Variants in ADGB observed in about 807,000 individuals in gnomAD.
ADGB encodes the protein androglobin.
A neutral mutation model predicts 210.5 loss-of-function variants in ADGB; 172 were observed. The observed-to-expected ratio is 0.82, with a 90% CI of 0.72 to 0.93. ADGB has a LOEUF of 0.93. ADGB is among the 40% of genes least tolerant of loss of function. The pLI is 0.00. For missense variants in ADGB, 2,025 were observed against 1,964.8 expected (o/e 1.03, Z -0.58); for synonymous variants, 658 against 662.7 (o/e 0.99, Z 0.11).
chr6:146,706,407 A>T (rs1044074153), intron 13 of ADGB, among the ~76,000 whole-genome samples: 1 of 151,716 alleles, frequency 6.6e-6, no homozygotes, highest in Non-Finnish European at 1.5e-5. Context: ...CTACAAGTGC[A>T]TGCCACCACA....
chr6:146,699,640 A>G (rs774659277), intron 12 of ADGB, among the ~76,000 whole-genome samples: 5 of 152,052 alleles, frequency 3.3e-5, no homozygotes, highest in Admixed American at 1.3e-4. Flanking sequence ...CCCTCAAGCC[A>G]GCCAAGATGG....
intron 35 of ADGB, among the ~76,000 whole-genome samples, chr6:146,812,094 T>C (rs1778311647): frequency 6.6e-6 from 1 of 152,258 alleles, no homozygotes; most frequent in Non-Finnish European, 1.5e-5. Flanking sequence ...ATTTTTCTTC[T>C]GATCAAAGCA....
intron 1 of ADGB, among the ~76,000 whole-genome samples, chr6:146,603,760 A>G (rs1780593791): frequency 6.6e-6 from 1 of 152,212 alleles, no homozygotes; most frequent in South Asian, 2.1e-4. Context: ...TGATACTATT[A>G]CAAAAGCTGA....
intron 1 of ADGB, among the ~76,000 whole-genome samples, chr6:146,634,392 C>T (rs1368978863): frequency 1.3e-5 from 2 of 151,978 alleles, no homozygotes; most frequent in Non-Finnish European, 2.9e-5. Context: ...AATTTGTATC[C>T]AGAACCCACT....
Position 146,784,638 on chromosome 6 carries a change from A to C in ADGB, c.4056A>C (p.Gln1352His), listed in dbSNP as rs376453822. 1 of 1,549,126 alleles carries C rather than the reference A, an allele frequency of 6.5e-7. No individual in the cohort carries two copies. The highest frequency in any genetic ancestry group is 1.4e-5 in the African/African-American group (1 of 72,966). ...ATCAGATATCCACTGTTCACCCTCAACAAGAAGACCCAAATAAACCCTACT... is the reference window on the plus strand; with the variant it reads ...ATCAGATATCCACTGTTCACCCTCACCAAGAAGACCCAAATAAACCCTACT... ...FEPQISTVHP[Q>H]QEDPNKPYWI... The change falls in exon 31 of 36, where the codon CAA (glutamine) becomes CAC (histidine). Residue 1352 changes from glutamine to histidine, a missense_variant. Coordinates refer to ENST00000397944, the MANE Select transcript of ADGB (RefSeq NM_024694.4).
intron 19 of ADGB, among the ~76,000 whole-genome samples, chr6:146,727,780 A>G (rs1169876857): frequency 6.6e-6 from 1 of 152,168 alleles, no homozygotes; most frequent in Non-Finnish European, 1.5e-5. Flanking sequence ...CACCACTGAG[A>G]TGAAACTTTC....
chr6:146,657,555 C>A (rs1226728838), intron 5 of ADGB, among the ~76,000 whole-genome samples: 1 of 152,232 alleles, frequency 6.6e-6, no homozygotes, highest in Admixed American at 6.5e-5. Flanking sequence ...GCCTAGACCA[C>A]TGAGGTATGG....
Position 146,740,443 on chromosome 6 carries a change from A to C in ADGB, c.2889-16A>C. Reference sequence around the variant, plus strand: ...GGCTTTTGCCATTGATACATAATTTATTTTTATATTTCTAGACTAATGTTT... The same window carrying C: ...GGCTTTTGCCATTGATACATAATTTCTTTTTATATTTCTAGACTAATGTTT... On this transcript the variant is annotated splice_polypyrimidine_tract_variant and intron_variant, in intron 23 of 35. Coordinates refer to ENST00000397944, the MANE Select transcript of ADGB (RefSeq NM_024694.4). 6.6e-7 allele frequency: 1 copy of C among 1,508,418 alleles called. No homozygotes were observed. The highest frequency in any genetic ancestry group is 8.9e-7 in the Non-Finnish European group (1 of 1,126,444). 93.4% of individuals were successfully genotyped at this position (1,508,418 alleles called of 1,614,324 possible). A position where few individuals can be genotyped will look rare whatever the true frequency, so the allele number is the denominator to read the frequency against.
chr6:146,797,078 C>T (rs1433193669), intron 33 of ADGB, among the ~76,000 whole-genome samples: 2 of 151,936 alleles, frequency 1.3e-5, no homozygotes, highest in African/African-American at 2.4e-5. Flanking sequence ...CACAAATGGC[C>T]AACAAACATA....
chr6:146,699,231 G>T (rs1464919255), intron 12 of ADGB, among the ~76,000 whole-genome samples: 1 of 152,128 alleles, frequency 6.6e-6, no homozygotes, highest in African/African-American at 2.4e-5. Flanking sequence ...TAGGCTGTCT[G>T]CAAGCTGGGG....
At chr6:146,711,839 C>A (rs1325894721) in intron 13 of ADGB, among the ~76,000 whole-genome samples, 3 of 151,594 alleles carry the variant, frequency 2.0e-5, no homozygotes, top group African/African-American at 4.9e-5. Context: ...AGGCAGCCTG[C>A]GCAAGACAGT....
intron 29 of ADGB, among the ~76,000 whole-genome samples, chr6:146,770,886 G>A (rs1001340082): frequency 1.3e-5 from 2 of 151,938 alleles, no homozygotes; most frequent in Non-Finnish European, 2.9e-5. Flanking sequence ...AAACACTTTC[G>A]CACATTCCCT....
chr6:146,653,314 A>G (rs183535110), intron 3 of ADGB, among the ~76,000 whole-genome samples: 18 of 152,210 alleles, frequency 1.2e-4, no homozygotes, highest in Non-Finnish European at 1.8e-4. Flanking sequence ...AGTGCACAAT[A>G]AATGTAATGT....
chr6:146,790,130 T>A lies in ADGB; in HGVS notation c.4537+1520T>A, dbSNP rs142238780. Among the ~76,000 whole-genome samples the A allele has an allele frequency of 3.9e-5, 6 of 152,322 alleles. No individual in the cohort carries two copies. In the East Asian group the frequency reaches 1.2e-3, roughly 29 times the overall value. ...GATACATGTATAGGTTATGGAATGA[T>A]CAAATTAGGCTAATAAATATATTCA... On this transcript the variant is annotated intron_variant, in intron 33 of 35. Coordinates refer to ENST00000397944, the MANE Select transcript of ADGB (RefSeq NM_024694.4).
Position 146,801,892 on chromosome 6 carries a change from G to A in ADGB, c.4699G>A (p.Ala1567Thr), listed in dbSNP as rs1343258604. Residue 1567 changes from alanine (A) to threonine (T), a missense_variant, in exon 35 of 36, where the codon GCG becomes ACG. Ala to Thr is a moderately conservative substitution (Grantham distance 58, BLOSUM62 0). Coordinates refer to ENST00000397944, the MANE Select transcript of ADGB (RefSeq NM_024694.4). ...GAATCAGCAGCAGGCAATGCAAAAG[G>A]CGGAAGAAATTCATCAGTTTCGACA... Reference protein sequence around the residue: ...ELNQQQAMQKAEEIHQFRQHR... With the variant: ...ELNQQQAMQKTEEIHQFRQHR... 3 of 1,551,184 alleles carry A rather than the reference G, an allele frequency of 1.9e-6. No individual in the cohort carries two copies. The highest frequency in any genetic ancestry group is 1.2e-5 in the South Asian group (1 of 83,946).
intron 1 of ADGB, among the ~76,000 whole-genome samples, chr6:146,606,931 G>C (rs550610951): frequency 1.2e-4 from 19 of 152,118 alleles, no homozygotes; most frequent in Admixed American, 1.2e-3. Context: ...TTCCAATTCT[G>C]TGTAAAACGA....
chr6:146,644,937 T>C, intron 3 of ADGB, 72 bp downstream of exon 3: 1 of 918,026 alleles, frequency 1.1e-6, no homozygotes, highest in Non-Finnish European at 1.6e-6. Flanking sequence ...AAAATTTGCA[T>C]TTTTTGTAAT....
Position 146,801,926 on chromosome 6 carries a change from C to A in ADGB, c.4733C>A (p.Thr1578Asn). Reference protein sequence around the residue: ...EEIHQFRQHRTRVLSIRNIDQ... With the variant: ...EEIHQFRQHRNRVLSIRNIDQ... ...ATTCATCAGTTTCGACAGCATAGGA[C>A]CAGAGTCCTTAGCATTCGAAACATT... Residue 1578 changes from threonine to asparagine, a missense_variant, in exon 35 of 36, where the codon ACC becomes AAC. By Grantham distance (65) the Thr-to-Asn change is moderately conservative (BLOSUM62 0). Coordinates refer to ENST00000397944, the MANE Select transcript of ADGB (RefSeq NM_024694.4). 6.4e-7 allele frequency: 1 copy of A among 1,550,970 alleles called. No individual in the cohort carries two copies. Among genetic ancestry groups the A allele is most frequent in the Non-Finnish European group, 8.7e-7 (1 of 1,146,710 alleles).
rs1777864273 is a variant in ADGB, at chr6:146,785,787, G to C, written c.4315+75G>C. ...TGCACTTCTTAAAAAAATAATCAGT[G>C]GGTTGTGCTTGGTGAAAAGGAGACA... On this transcript the variant is annotated intron_variant, in intron 32 of 35. Transcript: ENST00000397944. The C allele has an allele frequency of 2.7e-6, 3 of 1,092,464 alleles. No homozygotes were observed. The African/African-American group carries it at 4.7e-5, about 17-fold the overall frequency. 67.7% of individuals were successfully genotyped at this position (1,092,464 alleles called of 1,614,324 possible). A position where few individuals can be genotyped will look rare whatever the true frequency, so the allele number is the denominator to read the frequency against.
Sources: allele counts gnomAD v4.1 joint callset (sites outside exome capture counted in the v4.1 genomes callset), GRCh38; gene constraint gnomAD v4.1.1; transcripts MANE v1.5; gene names NCBI Gene and HGNC (gene_info 2026-07-23, HGNC 2026-07-21).